Variants in TRPM3 observed in about 807,000 individuals in gnomAD.
The protein encoded by TRPM3 is transient receptor potential cation channel subfamily M member 3.
Under a neutral mutation model 181.2 loss-of-function variants are expected in TRPM3, and 77 were observed. The ratio of observed to expected loss-of-function variants is 0.42; its 90% CI spans 0.35 to 0.51. The LOEUF (loss-of-function observed/expected upper bound fraction) is 0.51, where lower values mean the gene tolerates loss of function less well. Among genes scored for constraint, TRPM3 ranks in the 20% least tolerant of loss-of-function variants. The pLI is 0.01. For synonymous variants in TRPM3, 745 were observed against 796.4 expected, an observed-to-expected ratio of 0.94 and a Z score of 1.09; for missense variants, 1,759 against 2,196.7, an observed-to-expected ratio of 0.80 and a Z score of 3.98.
intron 1 of TRPM3, among the ~76,000 whole-genome samples, chr9:70,946,433 GTAATAATAATAATAA>G (rs55711193): frequency 2.8e-5 from 4 of 144,664 alleles, no homozygotes; most frequent in African/African-American, 1.1e-4. Flanking sequence ...CTGTTAAATG[GTAATAATAATAATAA>G]TAATAATAAT....
chr9:70,621,237 CACTT>C lies in TRPM3; in HGVS notation c.1839+3_1839+6del. On this transcript the variant is annotated splice_donor_5th_base_variant and intron_variant, in intron 15 of 25. Transcript: ENST00000677713. The stretch of plus-strand genomic sequence containing the variant: ...CATTGACACTAATAATTTGGACAAA[CACTT>C]ACCTCCATTCCCAGCAGTTTCAAGG... The C allele has an allele frequency of 6.3e-7, 1 of 1,591,024 alleles. No homozygotes were observed. The highest frequency in any genetic ancestry group is 8.6e-7 in the Non-Finnish European group (1 of 1,168,680).
chr9:70,591,286 G>C (rs1263856696), intron 21 of TRPM3, 81 bp from the exon 22 acceptor site: 1 of 1,259,138 alleles, frequency 7.9e-7, no homozygotes, highest in African/African-American at 1.5e-5. Flanking sequence ...ACAATGATGG[G>C]AACCTTTGGA....
At chr9:70,749,572 A>T (rs2135034848) in intron 8 of TRPM3, among the ~76,000 whole-genome samples, 1 of 152,342 alleles carries the variant, frequency 6.6e-6, no homozygotes. Flanking sequence ...AGTAAATAAC[A>T]TCCTGCTTAT....
chr9:71,298,473 T>C (rs1588365705), intron 1 of TRPM3, among the ~76,000 whole-genome samples: 1 of 131,766 alleles, frequency 7.6e-6, no homozygotes, highest in East Asian at 2.4e-4. Context: ...AATCTGGTCT[T>C]TTTTTTTTTT....
intron 1 of TRPM3, among the ~76,000 whole-genome samples, chr9:71,066,510 G>C (rs1476620406): frequency 6.6e-6 from 1 of 152,138 alleles, no homozygotes; most frequent in Non-Finnish European, 1.5e-5. Flanking sequence ...TTTGTGAATG[G>C]GGTCGTGGCA....
chr9:70,822,183 T>C (rs2093231855), intron 6 of TRPM3, among the ~76,000 whole-genome samples: 1 of 152,230 alleles, frequency 6.6e-6, no homozygotes. Flanking sequence ...CTTTTCCTCC[T>C]GTTCTTCATT....
At chr9:70,766,643 C>A (rs139973722) in intron 7 of TRPM3, among the ~76,000 whole-genome samples, 1 of 152,340 alleles carries the variant, frequency 6.6e-6, no homozygotes, top group Non-Finnish European at 1.5e-5. Flanking sequence ...ATTAAGAGCA[C>A]ATAAAGTTGC....
chr9:71,262,744 C>G (rs1313658214), intron 1 of TRPM3, among the ~76,000 whole-genome samples: 1 of 152,130 alleles, frequency 6.6e-6, no homozygotes, highest in African/African-American at 2.4e-5. Context: ...AGCACTGTCC[C>G]TCACAGCACG....
chr9:70,922,799 C>G (rs944284509), intron 1 of TRPM3, among the ~76,000 whole-genome samples: 2 of 152,120 alleles, frequency 1.3e-5, no homozygotes, highest in African/African-American at 4.8e-5. Flanking sequence ...GTCTCAGTCT[C>G]GTTTTCTTTC....
At chr9:70,663,319 A>G (rs545865249) in intron 9 of TRPM3, among the ~76,000 whole-genome samples, 49 of 152,258 alleles carry the variant, frequency 3.2e-4, no homozygotes, top group African/African-American at 1.1e-3. Flanking sequence ...GTGCATTAAA[A>G]TCTCAGAAAT....
At chr9:70,900,927 T>G (rs2133014908) in intron 1 of TRPM3, among the ~76,000 whole-genome samples, 1 of 152,336 alleles carries the variant, frequency 6.6e-6, no homozygotes, top group East Asian at 1.9e-4. Context: ...TCTTTGAGGT[T>G]TACAAAGTGC....
intron 1 of TRPM3, among the ~76,000 whole-genome samples, chr9:71,136,435 C>T (rs543437890): frequency 5.3e-5 from 8 of 152,264 alleles, no homozygotes; most frequent in East Asian, 1.9e-4. Flanking sequence ...CAGGCTCATC[C>T]GCCTGAGAAG....
chr9:71,166,385 C>T (rs1366190667), intron 1 of TRPM3, among the ~76,000 whole-genome samples: 1 of 152,096 alleles, frequency 6.6e-6, no homozygotes. Flanking sequence ...CTGTCTCTCC[C>T]TAGAGCTTAG....
At chr9:70,980,265 G>C (rs1241644935) in intron 1 of TRPM3, among the ~76,000 whole-genome samples, 1 of 151,930 alleles carries the variant, frequency 6.6e-6, no homozygotes, top group South Asian at 2.1e-4. Context: ...AGAGGAATTG[G>C]GATTTCCAGA....
chr9:70,801,756 T>C (rs2089148582), intron 6 of TRPM3, among the ~76,000 whole-genome samples: 5 of 152,044 alleles, frequency 3.3e-5, no homozygotes, highest in Admixed American at 3.3e-4. Flanking sequence ...AAGGATCTAT[T>C]TGATTGCAAC....
chr9:71,186,550 C>T (rs1644392601), intron 1 of TRPM3, among the ~76,000 whole-genome samples: 1 of 151,904 alleles, frequency 6.6e-6, no homozygotes, highest in African/African-American at 2.4e-5. Context: ...TCCAGAAAGA[C>T]TGATGTCCAA....
upstream of TRPM3, among the ~76,000 whole-genome samples, chr9:71,124,911 CA>C (rs1251372040): frequency 5.3e-5 from 8 of 152,176 alleles, no homozygotes; most frequent in African/African-American, 1.9e-4. Flanking sequence ...ACTAAAATAA[CA>C]GTGTTGCAAT....
chr9:71,090,610 CT>C (rs2066041721), intron 1 of TRPM3, among the ~76,000 whole-genome samples: 1 of 152,102 alleles, frequency 6.6e-6, no homozygotes, highest in Non-Finnish European at 1.5e-5. Flanking sequence ...GGGACAACAG[CT>C]TTTCTTGCTT....
intron 5 of TRPM3, among the ~76,000 whole-genome samples, chr9:70,831,979 A>ATT (rs1564497246): frequency 7.7e-4 from 80 of 103,568 alleles, no homozygotes; most frequent in African/African-American, 2.5e-3. Context: ...ATATATATAT[A>ATT]TATATATATA....
Sources: gnomAD v4.1 joint callset for allele counts (sites outside exome capture counted in the v4.1 genomes callset) on GRCh38, gnomAD v4.1.1 for gene constraint, MANE v1.5 for transcripts, NCBI Gene and HGNC (gene_info 2026-07-23, HGNC 2026-07-21) for gene names.